Variants in ARHGAP17 observed in about 807,000 individuals in gnomAD.
The protein encoded by ARHGAP17 is rho GTPase-activating protein 17.
In ARHGAP17, 57 loss-of-function variants were observed where a neutral mutation model predicts 99.5. That is an observed-to-expected ratio of 0.57 (90% CI 0.46 to 0.71). The LOEUF (loss-of-function observed/expected upper bound fraction) is 0.71, where lower values mean the gene tolerates loss of function less well. Ranked by LOEUF, ARHGAP17 falls within the 30% of genes least tolerant of loss-of-function variation. The pLI is 0.00. For missense variants in ARHGAP17, 1,000 were observed against 1,122.4 expected (o/e 0.89, Z 1.56); for synonymous variants, 417 against 429.6 (o/e 0.97, Z 0.36).
intron 13 of ARHGAP17, 137 bp from the exon 14 acceptor site, chr16:24,947,732 G>A: frequency 1.5e-6 from 1 of 656,956 alleles, no homozygotes; most frequent in East Asian, 2.7e-5. Flanking sequence ...TGGCTCAGGT[G>A]AAGCATTTTA....
At chr16:25,003,461 G>A (rs1375554081) in intron 1 of ARHGAP17, among the ~76,000 whole-genome samples, 3 of 152,052 alleles carry the variant, frequency 2.0e-5, no homozygotes, top group Non-Finnish European at 4.4e-5. Flanking sequence ...AAATCTGCCT[G>A]CCTCAGCCTC....
Position 24,948,547 on chromosome 16 carries a change from A to C in ARHGAP17, c.1127+857T>G, listed in dbSNP as rs140160031. 9.8e-5 allele frequency among the ~76,000 whole-genome samples: 15 copies of C among 152,288 alleles called. No homozygotes were observed. The East Asian group carries it at 2.7e-3, about 28-fold the overall frequency. ...CAAAATAAAGAGCCAAACTCTCAAC[A>C]TACTAAGAAGTACTGAGCTCTCACC... On this transcript the variant is annotated intron_variant, in intron 13 of 19. Coordinates refer to ENST00000289968, the MANE Select transcript of ARHGAP17 (RefSeq NM_001006634.3).
Position 24,968,757 on chromosome 16 carries a change from C to A in ARHGAP17, c.288G>T (p.Thr96=), listed in dbSNP as rs75957421. 4 of 1,614,196 alleles carry A rather than the reference C, an allele frequency of 2.5e-6. No individual in the cohort carries two copies. In the East Asian group the frequency reaches 6.7e-5, roughly 27 times the overall value. ...EDSLLGKMLE[T]CGDAENQLAL... ...CCAGCTGATTCTCAGCATCTCCACA[C>A]GTCTCCAGCATCTTCCTTTAAAAAC... Residue 96 remains threonine, a synonymous_variant, in exon 5 of 20, where the codon ACG becomes ACT. Transcript: ENST00000289968.
intron 1 of ARHGAP17, among the ~76,000 whole-genome samples, chr16:24,984,906 T>C (rs932612888): frequency 2.6e-5 from 4 of 152,010 alleles, no homozygotes; most frequent in African/African-American, 9.7e-5. Flanking sequence ...AAAAAAAATG[T>C]CTGTAGGGGG....
chr16:24,950,388 T>G (rs576541879), intron 12 of ARHGAP17, among the ~76,000 whole-genome samples: 23 of 152,276 alleles, frequency 1.5e-4, no homozygotes, highest in Admixed American at 9.8e-4. Context: ...TGATGTTGGA[T>G]TCTACTGAAT....
intron 7 of ARHGAP17, among the ~76,000 whole-genome samples, chr16:24,963,323 T>C (rs896209924): frequency 2.6e-5 from 4 of 152,232 alleles, no homozygotes; most frequent in South Asian, 2.1e-4. Flanking sequence ...ATTTTTCTTA[T>C]ATTTCTACCC....
chr16:24,943,399 C>T (rs1038479557), intron 15 of ARHGAP17, among the ~76,000 whole-genome samples: 5 of 152,182 alleles, frequency 3.3e-5, no homozygotes, highest in African/African-American at 1.2e-4. Context: ...TTGAGTTTGT[C>T]AAATCTTTCT....
chr16:24,970,361 C>G (rs1274835815), intron 4 of ARHGAP17, 146 bp downstream of exon 4: 7 of 773,664 alleles, frequency 9.0e-6, no homozygotes, highest in African/African-American at 1.7e-5. Context: ...CCCACTTTCT[C>G]CCAAGGAGTC....
At chr16:24,920,635 C>T (rs558236157) in intron 19 of ARHGAP17, 1 of 179,848 alleles carries the variant, frequency 5.6e-6, no homozygotes, top group South Asian at 1.2e-4. Context: ...AGAGGTCTCT[C>T]CTCCAGACTG....
chr16:25,013,363 T>C lies in ARHGAP17; in HGVS notation c.53+1846A>G, dbSNP rs77330275. Among the ~76,000 whole-genome samples the C allele has an allele frequency of 2.6e-5, 4 of 152,286 alleles. No individual in the cohort carries two copies. The East Asian group carries it at 7.7e-4, about 29-fold the overall frequency. ...AGGTGCCAGGCAAGGTGGCTCACGC[T>C]TGTAGTCCCAGAACTTTGGGAGGCC... On this transcript the variant is annotated intron_variant, in intron 1 of 19. Transcript: ENST00000289968.
intron 15 of ARHGAP17, among the ~76,000 whole-genome samples, chr16:24,943,021 A>C (rs1294399097): frequency 6.6e-6 from 1 of 152,090 alleles, no homozygotes; most frequent in Non-Finnish European, 1.5e-5. Context: ...GATGGGTATC[A>C]TGGGGCTTGC....
At chr16:24,981,955 G>A (rs1247297970) in intron 1 of ARHGAP17, among the ~76,000 whole-genome samples, 1 of 152,118 alleles carries the variant, frequency 6.6e-6, no homozygotes, top group Admixed American at 6.5e-5. Flanking sequence ...AAAAGGTCTG[G>A]AGGCTGAAAA....
At chr16:24,944,115 A>C (rs889766917) in intron 14 of ARHGAP17, among the ~76,000 whole-genome samples, 8 of 151,968 alleles carry the variant, frequency 5.3e-5, no homozygotes, top group Non-Finnish European at 8.8e-5. Flanking sequence ...TACTAAAAAT[A>C]CAAAAATTAG....
intron 1 of ARHGAP17, among the ~76,000 whole-genome samples, chr16:24,982,982 A>ATATT (rs1555467442): frequency 3.1e-5 from 1 of 32,668 alleles, no homozygotes; most frequent in Non-Finnish European, 5.2e-5. Context: ...ATATATATAT[A>ATATT]TATATATATA....
At chr16:24,953,155 G>A in intron 10 of ARHGAP17, 113 bp from the exon 11 acceptor site, 1 of 938,156 alleles carries the variant, frequency 1.1e-6, no homozygotes, top group South Asian at 1.6e-5. Flanking sequence ...GTCTATGAAA[G>A]CAGTGTTACT....
chr16:24,945,242 G>T (rs1032513031), intron 14 of ARHGAP17, among the ~76,000 whole-genome samples: 1 of 151,742 alleles, frequency 6.6e-6, no homozygotes, highest in Non-Finnish European at 1.5e-5. Context: ...AGGATAGCCT[G>T]AGCCCAGGAG....
At chr16:24,986,285 A>C (rs1338857947) in intron 1 of ARHGAP17, among the ~76,000 whole-genome samples, 1 of 152,160 alleles carries the variant, frequency 6.6e-6, no homozygotes, top group Non-Finnish European at 1.5e-5. Context: ...TGAGGTCTTG[A>C]AAGGTAACTT....
chr16:24,986,374 T>G (rs182171061), intron 1 of ARHGAP17, among the ~76,000 whole-genome samples: 2 of 141,540 alleles, frequency 1.4e-5, no homozygotes, highest in East Asian at 3.9e-4. Context: ...TACACTTAGT[T>G]TATCTAAACC....
intron 1 of ARHGAP17, among the ~76,000 whole-genome samples, chr16:24,984,536 G>T (rs1033001752): frequency 6.6e-6 from 1 of 152,050 alleles, no homozygotes; most frequent in Admixed American, 6.5e-5. Flanking sequence ...GGCACCTGTA[G>T]TCCCAGCTAC....
Sources: gnomAD v4.1 joint callset for allele counts (sites outside exome capture counted in the v4.1 genomes callset) on GRCh38, gnomAD v4.1.1 for gene constraint, MANE v1.5 for transcripts, NCBI Gene and HGNC (gene_info 2026-07-23, HGNC 2026-07-21) for gene names.